The following BNC1 variants were observed in gnomAD, a reference collection of about 807,000 sequenced individuals.
The protein encoded by BNC1 is zinc finger protein basonuclin-1.
In BNC1, 8 loss-of-function variants were observed where a neutral mutation model predicts 66.5. The ratio of observed to expected loss-of-function variants is 0.12; its 90% confidence interval spans 0.07 to 0.22. The LOEUF is 0.22. Ranked by LOEUF, BNC1 falls within the 10% of genes least tolerant of loss-of-function variation. The pLI is 1.00. For synonymous variants in BNC1, 454 were observed against 452.6 expected (o/e 1.00, Z -0.04); for missense variants, 1,069 against 1,241.3 (o/e 0.86, Z 2.09).
chr15:83,281,736 T>C (rs1249928100), intron 1 of BNC1, among the ~76,000 whole-genome samples: 3 of 152,234 alleles, frequency 2.0e-5, no homozygotes, highest in Non-Finnish European at 4.4e-5. Context: ...TTAAAATGTT[T>C]CCCTGTTTAT....
chr15:83,275,326 T>C (rs368409186), intron 1 of BNC1, among the ~76,000 whole-genome samples: 3 of 151,940 alleles, frequency 2.0e-5, no homozygotes, highest in East Asian at 3.9e-4. Flanking sequence ...CGAAACCCCA[T>C]CTCTACTAAA....
intron 1 of BNC1, among the ~76,000 whole-genome samples, chr15:83,271,599 T>A (rs1266043781): frequency 6.6e-6 from 1 of 152,182 alleles, no homozygotes; most frequent in Non-Finnish European, 1.5e-5. Flanking sequence ...TAAAAATTGG[T>A]CTTGGGGGGT....
intron 4 of BNC1, among the ~76,000 whole-genome samples, chr15:83,258,972 A>G (rs1398061911): frequency 1.3e-5 from 2 of 152,190 alleles, no homozygotes; most frequent in African/African-American, 4.8e-5. Flanking sequence ...CAAAAATTCT[A>G]AAAGTGTGGT....
intron 1 of BNC1, among the ~76,000 whole-genome samples, chr15:83,281,460 A>AT (rs2151440790): frequency 6.6e-6 from 1 of 152,302 alleles, no homozygotes; most frequent in African/African-American, 2.4e-5. Context: ...CATCATTGAG[A>AT]TTTTACCTTA....
At chr15:83,276,428 C>T (rs1181262083) in intron 1 of BNC1, among the ~76,000 whole-genome samples, 4 of 152,298 alleles carry the variant, frequency 2.6e-5, no homozygotes, top group Non-Finnish European at 4.4e-5. Context: ...AGAAAGTAAA[C>T]GAATGATTGA....
At chr15:83,283,196 A>G in intron 1 of BNC1, 1 of 1,535,682 alleles carries the variant, frequency 6.5e-7, no homozygotes, top group Admixed American at 2.0e-5. Flanking sequence ...TGAGAAGAAC[A>G]TGTTTCTACA....
At chr15:83,280,442 C>G (rs1232833282) in intron 1 of BNC1, among the ~76,000 whole-genome samples, 1 of 152,194 alleles carries the variant, frequency 6.6e-6, no homozygotes, top group Non-Finnish European at 1.5e-5. Context: ...TGCAACTTCA[C>G]TACTGCTGCT....
chr15:83,279,356 T>C (rs558770217), intron 1 of BNC1, among the ~76,000 whole-genome samples: 51 of 152,212 alleles, frequency 3.4e-4, no homozygotes, highest in Middle Eastern at 3.4e-3. Context: ...AAATCTTCTA[T>C]AATAAAAAGT....
chr15:83,271,120 A>G (rs1225495166), intron 1 of BNC1, among the ~76,000 whole-genome samples: 5 of 152,174 alleles, frequency 3.3e-5, no homozygotes, highest in African/African-American at 1.2e-4. Flanking sequence ...TACCAAAAAT[A>G]CAAAAATTAG....
chr15:83,274,826 G>A (rs2038303818), intron 1 of BNC1, among the ~76,000 whole-genome samples: 1 of 152,218 alleles, frequency 6.6e-6, no homozygotes, highest in African/African-American at 2.4e-5. Context: ...TTTTATAGAT[G>A]AGGAAGGTAA....
intron 1 of BNC1, among the ~76,000 whole-genome samples, chr15:83,282,754 C>A (rs2038392146): frequency 6.6e-6 from 1 of 152,186 alleles, no homozygotes; most frequent in African/African-American, 2.4e-5. Context: ...TTTTTCAATT[C>A]ACTTACTGTC....
rs776160514 is a variant in BNC1, at chr15:83,263,717, G to A, written c.1534C>T (p.Pro512Ser). The A allele has an allele frequency of 4.3e-6, 7 of 1,614,258 alleles. No homozygotes were observed. Among genetic ancestry groups the A allele is most frequent in the Non-Finnish European group, 5.9e-6 (7 of 1,180,044 alleles). Residue 512 changes from proline to serine, a missense_variant, in exon 4 of 5, where the codon CCG becomes TCG. By Grantham distance (74) the Pro-to-Ser change is moderately conservative. Coordinates refer to ENST00000345382, the MANE Select transcript of BNC1 (RefSeq NM_001717.4). ...ANTPGILPSLPLLSSSIPEQL... is the reference protein window; with the variant it reads ...ANTPGILPSLSLLSSSIPEQL... ...TCTGGGATTGAAGAGGACAACAGCG[G>A]GAGGGAAGGGAGTATCCCAGGCGTG...
Position 83,264,675 on chromosome 15 carries a change from G to T in BNC1, c.576C>A (p.Ser192=). ...LMAIQEKEEQ[S]IIIPPSTANV... is the part of the protein sequence containing the mutation. ...TTGCTGTGGAAGGTGGTATGATGAT[G>T]GATTGCTCTTCTTTCTCTTGAATTG... Residue 192 remains serine, a synonymous_variant, in exon 4 of 5, where the codon TCC becomes TCA. Coordinates refer to ENST00000345382, the MANE Select transcript of BNC1 (RefSeq NM_001717.4). The T allele has an allele frequency of 6.2e-7, 1 of 1,614,164 alleles. No homozygotes were observed. The highest frequency in any genetic ancestry group is 8.5e-7 in the Non-Finnish European group (1 of 1,180,032).
chr15:83,274,482 T>TAA (rs1483574660), intron 1 of BNC1, among the ~76,000 whole-genome samples: 2 of 152,184 alleles, frequency 1.3e-5, no homozygotes, highest in East Asian at 3.9e-4. Flanking sequence ...GGCTACTCTA[T>TAA]TGGACAGTGG....
At chr15:83,269,210 C>T (rs939386637) in intron 1 of BNC1, among the ~76,000 whole-genome samples, 39 of 152,216 alleles carry the variant, frequency 2.6e-4, no homozygotes, top group Non-Finnish European at 3.7e-4. Flanking sequence ...GGCGACAGAG[C>T]GAGACTCCCT....
At chr15:83,283,181 T>TTAAA in intron 1 of BNC1, 2 of 1,535,612 alleles carry the variant, frequency 1.3e-6, no homozygotes, top group Non-Finnish European at 1.7e-6. Flanking sequence ...AAGAGATGCC[T>TTAAA]TAAATGAGAA....
chr15:83,283,362 C>T (rs2038403486), intron 1 of BNC1: 4 of 1,348,110 alleles, frequency 3.0e-6, no homozygotes, highest in East Asian at 6.0e-5. Context: ...GCGGCGGCTC[C>T]GGAGGAGCAG....
intron 1 of BNC1, among the ~76,000 whole-genome samples, chr15:83,272,653 C>CT (rs1469541946): frequency 6.6e-6 from 1 of 152,176 alleles, no homozygotes. Context: ...CACATGCTTC[C>CT]TGAAGACTCT....
chr15:83,276,054 T>C (rs1331455590), intron 1 of BNC1, among the ~76,000 whole-genome samples: 1 of 152,126 alleles, frequency 6.6e-6, no homozygotes, highest in African/African-American at 2.4e-5. Context: ...AGTTAAGCCA[T>C]GTAAAAACTT....
Sources: gnomAD v4.1 joint callset for allele counts (sites outside exome capture counted in the v4.1 genomes callset) on GRCh38, gnomAD v4.1.1 for gene constraint, MANE v1.5 for transcripts, NCBI Gene and HGNC (gene_info 2026-07-23, HGNC 2026-07-21) for gene names.